ATP10A: variants seen among roughly 807,000 people sequenced by gnomAD.
The protein encoded by ATP10A is phospholipid-transporting ATPase VA.
Under a neutral mutation model 147.8 loss-of-function variants are expected in ATP10A, and 111 were observed. The ratio of observed to expected loss-of-function variants is 0.75; its 90% CI spans 0.64 to 0.88. ATP10A has a LOEUF of 0.88. Ranked by LOEUF, ATP10A falls within the 40% of genes least tolerant of loss-of-function variation. ATP10A has a pLI of 0.00. For synonymous variants in ATP10A, 875 were observed against 841.6 expected (o/e 1.04, Z -0.69); for missense variants, 1,927 against 1,959.0 (o/e 0.98, Z 0.31).
At chr15:25,682,265 T>C (rs1363628622) in intron 17 of ATP10A, among the ~76,000 whole-genome samples, 1 of 151,898 alleles carries the variant, frequency 6.6e-6, no homozygotes, top group African/African-American at 2.4e-5. Flanking sequence ...ACTTTTAAAA[T>C]TACACGATGG....
intron 1 of ATP10A, among the ~76,000 whole-genome samples, chr15:25,794,261 G>A (rs1048694960): frequency 2.6e-5 from 4 of 151,946 alleles, no homozygotes; most frequent in South Asian, 4.2e-4. Context: ...CTCACCCTCC[G>A]ATCAGTCCCT....
rs758961668 is a variant in ATP10A at position 25,679,569 on chromosome 15, G to C, written c.4272C>G (p.Thr1424=). Residue 1424 remains threonine, a synonymous_variant, in exon 21 of 21, where the codon ACC becomes ACG. Coordinates refer to ENST00000555815, the MANE Select transcript of ATP10A (RefSeq NM_024490.4). ...GCAGGCTGAAGAGGGAAGACAGGGG[G>C]GTCACCCTGCCGGTGCTGGCAGCTC... ...KVRAASTGRV[T]PLSSLFSLPT... is the part of the protein sequence containing the mutation. 7 of 1,610,942 alleles carry C rather than the reference G, an allele frequency of 4.3e-6. No homozygotes were observed. Among genetic ancestry groups the C allele is most frequent in the African/African-American group, 1.3e-5 (1 of 74,884 alleles).
At chr15:25,750,060 A>C in intron 2 of ATP10A, among the ~76,000 whole-genome samples, 1 of 152,138 alleles carries the variant, frequency 6.6e-6, no homozygotes, top group East Asian at 1.9e-4. Flanking sequence ...TTAAATAATA[A>C]CTGAAAAGTT....
chr15:25,711,186 C>G (rs1217679522), intron 10 of ATP10A, among the ~76,000 whole-genome samples: 1 of 152,098 alleles, frequency 6.6e-6, no homozygotes, highest in African/African-American at 2.4e-5. Context: ...ATCATACAGT[C>G]ACATCCACTA....
intron 2 of ATP10A, among the ~76,000 whole-genome samples, chr15:25,752,254 A>G (rs1888192590): frequency 6.6e-6 from 1 of 152,212 alleles, no homozygotes; most frequent in Non-Finnish European, 1.5e-5. Flanking sequence ...AATCAACCCA[A>G]GTGTCCATCA....
intron 1 of ATP10A, among the ~76,000 whole-genome samples, chr15:25,854,647 T>C (rs1487782726): frequency 6.6e-6 from 1 of 152,212 alleles, no homozygotes; most frequent in African/African-American, 2.4e-5. Context: ...GTTGCAATAG[T>C]AATCTTTACA....
At chr15:25,673,954 T>A (rs1899088940), downstream of ATP10A, among the ~76,000 whole-genome samples, 1 of 152,164 alleles carries the variant, frequency 6.6e-6, no homozygotes, top group African/African-American at 2.4e-5. Context: ...ATTCACCTAG[T>A]GGATATTTCC....
chr15:25,683,760 T>A, intron 16 of ATP10A: 2 of 495,812 alleles, frequency 4.0e-6, no homozygotes, highest in Non-Finnish European at 7.2e-6. Context: ...GGGATGAGAT[T>A]TTTGTGCTTG....
At chr15:25,837,950 G>A (rs1407893245) in intron 1 of ATP10A, among the ~76,000 whole-genome samples, 1 of 152,238 alleles carries the variant, frequency 6.6e-6, no homozygotes, top group African/African-American at 2.4e-5. Context: ...TGGCAGTGTG[G>A]AGGATGGAAG....
intron 2 of ATP10A, among the ~76,000 whole-genome samples, chr15:25,755,945 A>C (rs1470765327): frequency 3.9e-5 from 6 of 152,220 alleles, no homozygotes; most frequent in Non-Finnish European, 7.3e-5. Context: ...AAACCACTAG[A>C]AACTTTTGCT....
rs200782988 is a variant in ATP10A at position 25,708,207 on chromosome 15, A to C, written c.2438T>G (p.Ile813Ser). The change falls in exon 11 of 21, where the codon ATC (isoleucine) becomes AGC (serine). Residue 813 changes from isoleucine (I) to serine (S), a missense_variant. Coordinates refer to ENST00000555815, the MANE Select transcript of ATP10A (RefSeq NM_024490.4). ...YAAEGLRTLC[I>S]AKRVLSKEEY... is the part of the protein sequence containing the mutation. ...GACACCCCCACTCACTCTCTTGGCG[A>C]TGCACAAGGTGCGCAGGCCTTCCGC... is the stretch of plus-strand genomic sequence containing the variant. 8.7e-5 allele frequency: 140 copies of C among 1,614,088 alleles called. No homozygotes were observed. Among genetic ancestry groups the C allele is most frequent in the Non-Finnish European group, 1.1e-4 (127 of 1,180,044 alleles).
chr15:25,693,679 C>T (rs1458959857), intron 14 of ATP10A, among the ~76,000 whole-genome samples: 3 of 152,228 alleles, frequency 2.0e-5, no homozygotes, highest in African/African-American at 7.2e-5. Flanking sequence ...GGCCTCAGGA[C>T]AGGCCATGGC....
At chr15:25,746,028 T>C (rs1252113739) in intron 2 of ATP10A, among the ~76,000 whole-genome samples, 1 of 152,170 alleles carries the variant, frequency 6.6e-6, no homozygotes, top group African/African-American at 2.4e-5. Context: ...ATACCAGTAG[T>C]AACTTTAAAA....
In ATP10A at chr15:25,724,531, T is replaced by C. The variant is rs1902432046; in HGVS notation, c.980-510A>G. ...TGTCTGGTCACAGAAGCCTTTTTCATGTCCTGTACATCTGTAACTTATGCC... is the reference window on the plus strand; with the variant it reads ...TGTCTGGTCACAGAAGCCTTTTTCACGTCCTGTACATCTGTAACTTATGCC... On this transcript the variant is annotated intron_variant, in intron 5 of 20. Coordinates refer to ENST00000555815, the MANE Select transcript of ATP10A (RefSeq NM_024490.4). Among the ~76,000 whole-genome samples the C allele has an allele frequency of 3.3e-5, 5 of 152,348 alleles. No individual in the cohort carries two copies. In the South Asian group the frequency reaches 1.0e-3, roughly 32 times the overall value.
At chr15:25,675,967 G>C (rs1899128526), downstream of ATP10A, among the ~76,000 whole-genome samples, 1 of 151,994 alleles carries the variant, frequency 6.6e-6, no homozygotes, top group Admixed American at 6.6e-5. Context: ...GAAGGGGAGG[G>C]GAAAGGGGAG....
chr15:25,695,141 C>A lies in ATP10A; in HGVS notation c.2766G>T (p.Ala922=), dbSNP rs146638380. 2 of 1,608,794 alleles carry A rather than the reference C, an allele frequency of 1.2e-6. No homozygotes were observed. Among genetic ancestry groups the A allele is most frequent in the Non-Finnish European group, 1.7e-6 (2 of 1,176,456 alleles). The change falls in exon 14 of 21, where the codon GCG becomes GCT. Residue 922 remains alanine, a synonymous_variant. Transcript: ENST00000555815. ...GGCACTGGTCTAGCAGGGCTGCACA[C>A]GCCTCCTGAAAGGGACATGAGAGGA... The part of the protein sequence containing the change: ...VITLNATSQE[A]CAALLDQCLC...
At chr15:25,844,609 C>G (rs988357982) in intron 1 of ATP10A, among the ~76,000 whole-genome samples, 7 of 152,176 alleles carry the variant, frequency 4.6e-5, no homozygotes, top group Non-Finnish European at 8.8e-5. Context: ...GTGCAGCCCC[C>G]CAACCTGATC....
chr15:25,804,719 G>A (rs934462708), intron 1 of ATP10A, among the ~76,000 whole-genome samples: 26 of 152,314 alleles, frequency 1.7e-4, no homozygotes, highest in African/African-American at 4.6e-4. Flanking sequence ...ATGCGGTAAC[G>A]ACAGTAGGCC....
intron 3 of ATP10A, among the ~76,000 whole-genome samples, chr15:25,729,268 C>T (rs771770835): frequency 2.6e-5 from 4 of 152,188 alleles, no homozygotes; most frequent in African/African-American, 7.2e-5. Context: ...AGGCGGATCA[C>T]TTGAGGTCAG....
Sources: allele counts gnomAD v4.1 joint callset (sites outside exome capture counted in the v4.1 genomes callset), GRCh38; gene constraint gnomAD v4.1.1; transcripts MANE v1.5; gene names NCBI Gene and HGNC (gene_info 2026-07-23, HGNC 2026-07-21).